The following ADAMTS18 variants were observed in gnomAD, a reference collection of about 807,000 sequenced individuals.
ADAMTS18 encodes ADAM metallopeptidase with thrombospondin type 1 motif 18, also known as A disintegrin and metalloproteinase with thrombospondin motifs 18.
Under a neutral mutation model 165.9 loss-of-function variants are expected in ADAMTS18, and 157 were observed. The ratio of observed to expected loss-of-function variants is 0.95; its 90% CI spans 0.83 to 1.08. The LOEUF (loss-of-function observed/expected upper bound fraction) is 1.08, where lower values mean the gene tolerates loss of function less well. Among genes scored for constraint, ADAMTS18 ranks in the 50% least tolerant of loss-of-function variants. The probability of loss-of-function intolerance (pLI) is 0.00; values close to 1 mark genes in which losing one functional copy is unlikely to be tolerated. For missense variants in ADAMTS18, 2,040 were observed against 1,534.0 expected (o/e 1.33, Z -5.51); for synonymous variants, 782 against 578.2 (o/e 1.35, Z -5.06).
intron 4 of ADAMTS18, among the ~76,000 whole-genome samples, chr16:77,366,823 T>G (rs116725920): frequency 0.01 from 1,599 of 152,366 alleles, 21 homozygotes; most frequent in African/African-American, 0.036. Context: ...TTATCCTGAT[T>G]ACATGTTGAG....
chr16:77,375,287 G>A (rs926628512), intron 3 of ADAMTS18, among the ~76,000 whole-genome samples: 7 of 152,062 alleles, frequency 4.6e-5, no homozygotes, highest in African/African-American at 1.4e-4. Flanking sequence ...CTCCCAAAGT[G>A]CTGGAATTAC....
rs1205902848 is a variant in ADAMTS18, at chr16:77,282,966, T to C, written c.*990A>G. 6.7e-6 allele frequency: 1 copy of C among 148,624 alleles called. No homozygotes were observed. Among genetic ancestry groups the C allele is most frequent in the Non-Finnish European group, 1.5e-5 (1 of 67,394 alleles). The allele number at this position is 148,624 out of a possible 1,614,324, so 9.2% of individuals were successfully genotyped here. On this transcript the variant is annotated 3_prime_UTR_variant, in exon 23 of 23. Transcript: ENST00000282849. The stretch of plus-strand genomic sequence containing the variant: ...CCTAGGGCAAATTTAAACGTATCAG[T>C]TGGTAGGAAAAAGCCACAAGTGGCC...
In ADAMTS18 at chr16:77,326,024, C is replaced by T. The variant is rs2056090019; in HGVS notation, c.1874G>A (p.Gly625Asp). 1 of 1,613,766 alleles carries T rather than the reference C, an allele frequency of 6.2e-7. No homozygotes were observed. The highest frequency in any genetic ancestry group is 8.5e-7 in the Non-Finnish European group (1 of 1,179,796). The part of the protein sequence containing the change: ...HCNNPKPQYG[G>D]LFCPGSSRIY... ...ACGGCTAGAACCTGGACAGAATAAG[C>T]CACCATACTGAGGCCTGAAAATGAA... Residue 625 changes from glycine to aspartate, a missense_variant, in exon 13 of 23, where the codon GGC becomes GAC. Gly to Asp is a moderately conservative substitution (Grantham distance 94, BLOSUM62 -1). Coordinates refer to ENST00000282849, the MANE Select transcript of ADAMTS18 (RefSeq NM_199355.4).
chr16:77,325,678 G>GA (rs11410820), intron 13 of ADAMTS18, among the ~76,000 whole-genome samples, 188 bp downstream of exon 13: 20,779 of 142,032 alleles, frequency 0.15, 1,600 homozygotes, highest in East Asian at 0.26. Context: ...CTTATAGGGG[G>GA]AAAAAAAAAA....
chr16:77,416,915 G>T lies in ADAMTS18; in HGVS notation c.495+14380C>A, dbSNP rs555837982. 5.3e-5 allele frequency among the ~76,000 whole-genome samples: 8 copies of T among 152,110 alleles called. No homozygotes were observed. The South Asian group carries it at 1.2e-3, about 24-fold the overall frequency. ...AGTGGTAAGAAGTGGTCAGAATTGC[G>T]CATGTTTTTAACTGACCTGGGAGCA... On this transcript the variant is annotated intron_variant, in intron 3 of 22. Coordinates refer to ENST00000282849, the MANE Select transcript of ADAMTS18 (RefSeq NM_199355.4).
chr16:77,417,520 G>C (rs934314270), intron 3 of ADAMTS18, among the ~76,000 whole-genome samples: 9 of 152,192 alleles, frequency 5.9e-5, no homozygotes, highest in African/African-American at 2.2e-4. Context: ...ACGAAGGGAC[G>C]GCAGAGAAAG....
Position 77,353,856 on chromosome 16 carries a change from C to T in ADAMTS18, c.1491G>A (p.Glu497=). 1 of 1,614,152 alleles carries T rather than the reference C, an allele frequency of 6.2e-7. No individual in the cohort carries two copies. The highest frequency in any genetic ancestry group is 2.2e-5 in the East Asian group (1 of 44,866). ...ATTTATACTGTCCTGCTTGCTTGGG[C>T]TCATCCACTAGACACCCCGCCTGAG... ...STPQAGCLVD[E]PKQAGQYKYP... Residue 497 remains glutamate (E), a synonymous_variant, in exon 10 of 23, where the codon GAG becomes GAA. Coordinates refer to ENST00000282849, the MANE Select transcript of ADAMTS18 (RefSeq NM_199355.4).
At position 77,282,422 on chromosome 16, in the gene ADAMTS18, G is replaced by A. The variant is rs1257721587; in HGVS notation, c.*1534C>T. 6.6e-6 allele frequency: 1 copy of A among 151,984 alleles called. No homozygotes were observed. The highest frequency in any genetic ancestry group is 2.4e-5 in the African/African-American group (1 of 41,346). 9.4% of individuals were successfully genotyped at this position (151,984 alleles called of 1,614,324 possible). A position where few individuals can be genotyped will look rare whatever the true frequency, so the allele number is the denominator to read the frequency against. ...GTTGATAAAATGGCCACTTCTCTAG[G>A]CCAAGCCAAGCAGATTGAGAGAAGT... On this transcript the variant is annotated 3_prime_UTR_variant, in exon 23 of 23. Coordinates refer to ENST00000282849, the MANE Select transcript of ADAMTS18 (RefSeq NM_199355.4).
At chr16:77,418,941 G>A (rs1261046220) in intron 3 of ADAMTS18, among the ~76,000 whole-genome samples, 2 of 152,182 alleles carry the variant, frequency 1.3e-5, no homozygotes, top group Admixed American at 1.3e-4. Context: ...ACAAGGTCAG[G>A]AGTTCGAGAT....
intron 21 of ADAMTS18, chr16:77,290,905 G>C (rs1249874511): frequency 3.6e-6 from 1 of 280,862 alleles, no homozygotes; most frequent in Non-Finnish European, 6.9e-6. Flanking sequence ...AACCAAATGA[G>C]TAAAGGCTGT....
intron 3 of ADAMTS18, among the ~76,000 whole-genome samples, chr16:77,420,358 G>C (rs1011226498): frequency 3.3e-5 from 5 of 152,094 alleles, no homozygotes; most frequent in Admixed American, 1.3e-4. Context: ...ACCTAGCCCA[G>C]GGTTTCTCAA....
chr16:77,433,206 A>G (rs2057759521), intron 2 of ADAMTS18, among the ~76,000 whole-genome samples: 1 of 152,222 alleles, frequency 6.6e-6, no homozygotes, highest in African/African-American at 2.4e-5. Context: ...TATGAAAAAG[A>G]TTCCTGACAT....
intron 12 of ADAMTS18, among the ~76,000 whole-genome samples, chr16:77,327,036 T>C (rs1346202995): frequency 6.6e-6 from 1 of 152,230 alleles, no homozygotes; most frequent in Non-Finnish European, 1.5e-5. Context: ...CTCATTCTTT[T>C]GTTTTGGCTG....
intron 3 of ADAMTS18, among the ~76,000 whole-genome samples, chr16:77,393,479 G>C (rs1250614497): frequency 2.6e-5 from 4 of 152,180 alleles, no homozygotes; most frequent in African/African-American, 9.6e-5. Flanking sequence ...TTCACATGTT[G>C]AAACCCAATC....
chr16:77,292,706 G>C (rs1320761192), intron 20 of ADAMTS18, among the ~76,000 whole-genome samples: 1 of 152,230 alleles, frequency 6.6e-6, no homozygotes, highest in Non-Finnish European at 1.5e-5. Flanking sequence ...GTTTCGTGAA[G>C]AAATCAGGAG....
intron 3 of ADAMTS18, among the ~76,000 whole-genome samples, chr16:77,376,959 C>T (rs1023420458): frequency 6.6e-6 from 1 of 151,802 alleles, no homozygotes. Flanking sequence ...GGCTTACAAG[C>T]GCCCACCACC....
At chr16:77,397,436 G>A (rs190684916) in intron 3 of ADAMTS18, among the ~76,000 whole-genome samples, 2 of 152,256 alleles carry the variant, frequency 1.3e-5, no homozygotes, top group South Asian at 2.1e-4. Context: ...TTCAGCAGAT[G>A]TTATATTAAA....
chr16:77,404,978 C>T (rs1010332304), intron 3 of ADAMTS18, among the ~76,000 whole-genome samples: 9 of 152,152 alleles, frequency 5.9e-5, no homozygotes, highest in African/African-American at 2.2e-4. Context: ...TTAACAAGGC[C>T]AGAGCCCCCA....
chr16:77,296,646 C>G (rs1375077549), intron 18 of ADAMTS18, among the ~76,000 whole-genome samples: 1 of 152,098 alleles, frequency 6.6e-6, no homozygotes, highest in Non-Finnish European at 1.5e-5. Flanking sequence ...ATGGCAAAAC[C>G]CCGTCTCTAC....
Sources: gnomAD v4.1 joint callset for allele counts (sites outside exome capture counted in the v4.1 genomes callset) on GRCh38, gnomAD v4.1.1 for gene constraint, MANE v1.5 for transcripts, NCBI Gene and HGNC (gene_info 2026-07-23, HGNC 2026-07-21) for gene names.